INPP4B: variants seen among roughly 807,000 people sequenced by gnomAD.
INPP4B encodes the protein inositol polyphosphate 4-phosphatase type II.
INPP4B carries 55 observed loss-of-function variants against 122.5 expected under a neutral mutation model. The ratio of observed to expected loss-of-function variants is 0.45; its 90% CI spans 0.36 to 0.56. INPP4B has a LOEUF of 0.56. INPP4B is among the 20% of genes least tolerant of loss of function. INPP4B has a pLI of 0.00. For synonymous variants in INPP4B, 403 were observed against 388.7 expected (o/e 1.04, Z -0.43); for missense variants, 1,000 against 1,097.7 (o/e 0.91, Z 1.26).
Position 142,238,980 on chromosome 4 carries a change from T to C in INPP4B, c.689-969A>G, listed in dbSNP as rs534099194. Among the ~76,000 whole-genome samples, 48 of 152,168 alleles carry C rather than the reference T, an allele frequency of 3.2e-4. No individual in the cohort carries two copies. The East Asian group carries it at 5.6e-3, about 18-fold the overall frequency. On this transcript the variant is annotated intron_variant, in intron 11 of 25. Coordinates refer to ENST00000262992, the MANE Select transcript of INPP4B (RefSeq NM_001101669.3). The stretch of plus-strand genomic sequence containing the variant: ...GGCTTCAGTTTACAATAAGGCTAAT[T>C]AAAAATATCAGTTGATATTGAAGCA...
chr4:142,065,939 A>G (rs890245540), intron 25 of INPP4B, among the ~76,000 whole-genome samples: 2 of 152,144 alleles, frequency 1.3e-5, no homozygotes, highest in African/African-American at 4.8e-5. Flanking sequence ...AGGAACCTTC[A>G]TGTGTTCAGC....
chr4:142,715,390 A>C (rs959367348), intron 2 of INPP4B, among the ~76,000 whole-genome samples: 4 of 152,222 alleles, frequency 2.6e-5, no homozygotes, highest in African/African-American at 9.6e-5. Context: ...AAATAATCAC[A>C]TGTGCCTAGT....
At position 142,121,636 on chromosome 4, in the gene INPP4B, G is replaced by A. The variant is rs369492472; in HGVS notation, c.2135+492C>T. ...AAGCTATTTATTGAAAACCCTTCTC[G>A]GAAATCTCATAGTCTGAGAGTGAAT... On this transcript the variant is annotated intron_variant, in intron 21 of 25. Coordinates refer to ENST00000262992, the MANE Select transcript of INPP4B (RefSeq NM_001101669.3). Among the ~76,000 whole-genome samples the A allele has an allele frequency of 1.1e-4, 16 of 151,904 alleles. No individual in the cohort carries two copies. The South Asian group carries it at 2.5e-3, about 24-fold the overall frequency.
In INPP4B at chr4:142,330,317, G is replaced by A. The variant is rs565799249; in HGVS notation, c.373-15555C>T. Among the ~76,000 whole-genome samples the A allele has an allele frequency of 1.1e-4, 16 of 152,238 alleles. 1 individual carries two copies. In the South Asian group the frequency reaches 3.1e-3, roughly 30 times the overall value. ...TTTTGAGAAGTATCTTTCTATCTGG[G>A]TATAATTTTGGATATCATTGGGCCT... On this transcript the variant is annotated intron_variant, in intron 7 of 25. Coordinates refer to ENST00000262992, the MANE Select transcript of INPP4B (RefSeq NM_001101669.3).
intron 2 of INPP4B, among the ~76,000 whole-genome samples, chr4:142,635,693 C>T (rs1748992028): frequency 6.6e-6 from 1 of 151,944 alleles, no homozygotes; most frequent in African/African-American, 2.4e-5. Flanking sequence ...ATAATAGATA[C>T]TTGGGTCTAC....
rs564239603 is a variant in INPP4B at position 142,164,947 on chromosome 4, T to C, written c.1360-4386A>G. On this transcript the variant is annotated intron_variant, in intron 16 of 25. Transcript: ENST00000262992. ...CTTTTCAATTTCTTTTCTTGACTCA[T>C]CATTCTCTGTTCACCCAAAATGTGG... Among the ~76,000 whole-genome samples, 4 of 151,752 alleles carry C rather than the reference T, an allele frequency of 2.6e-5. No homozygotes were observed. In the East Asian group the frequency reaches 5.9e-4, roughly 22 times the overall value.
intron 23 of INPP4B, among the ~76,000 whole-genome samples, chr4:142,096,685 T>A (rs1781961899): frequency 6.6e-6 from 1 of 152,138 alleles, no homozygotes; most frequent in Non-Finnish European, 1.5e-5. Flanking sequence ...TTCAAAAGAT[T>A]AGTGCATCAG....
At position 142,556,888 on chromosome 4, in the gene INPP4B, C is replaced by T. The variant is rs1341089248; in HGVS notation, c.-190-94162G>A. On this transcript the variant is annotated intron_variant, in intron 2 of 25. Transcript: ENST00000262992. ...TACCTAGGAAACCTCGCTATCTCCTCATATATTCAGTCAGGAGAATAGAAG... is the reference window on the plus strand; with the variant it reads ...TACCTAGGAAACCTCGCTATCTCCTTATATATTCAGTCAGGAGAATAGAAG... Among the ~76,000 whole-genome samples, 3 of 152,100 alleles carry T rather than the reference C, an allele frequency of 2.0e-5. No individual in the cohort carries two copies. In the East Asian group the frequency reaches 5.8e-4, roughly 29 times the overall value.
chr4:142,723,479 A>G (rs905432331), intron 2 of INPP4B, among the ~76,000 whole-genome samples: 2 of 152,152 alleles, frequency 1.3e-5, no homozygotes, highest in African/African-American at 4.8e-5. Context: ...TCTTTGGATG[A>G]CAAAATTAAG....
intron 25 of INPP4B, among the ~76,000 whole-genome samples, chr4:142,070,008 C>T (rs1766073083): frequency 6.6e-6 from 1 of 152,146 alleles, no homozygotes; most frequent in Non-Finnish European, 1.5e-5. Flanking sequence ...CATCTTCATA[C>T]CAAAGCCTGG....
At chr4:142,819,800 G>T (rs978410780) in intron 1 of INPP4B, among the ~76,000 whole-genome samples, 2 of 151,940 alleles carry the variant, frequency 1.3e-5, no homozygotes, top group Non-Finnish European at 2.9e-5. Flanking sequence ...ACACACACAC[G>T]GTTCATAGGG....
chr4:142,564,448 A>AG, intron 2 of INPP4B, among the ~76,000 whole-genome samples: 7 of 82,816 alleles, frequency 8.5e-5, no homozygotes, highest in Admixed American at 3.4e-4. Context: ...GCAAAAAAAA[A>AG]AAAAAAGAAA....
intron 9 of INPP4B, among the ~76,000 whole-genome samples, chr4:142,283,213 T>A (rs915515980): frequency 6.6e-6 from 1 of 152,052 alleles, no homozygotes; most frequent in African/African-American, 2.4e-5. Flanking sequence ...GATTTTTCCC[T>A]CAACAATAGG....
At chr4:142,613,221 C>T (rs1389530739) in intron 2 of INPP4B, among the ~76,000 whole-genome samples, 1 of 152,190 alleles carries the variant, frequency 6.6e-6, no homozygotes, top group African/African-American at 2.4e-5. Flanking sequence ...AGATACAATT[C>T]CATCTAGTTT....
rs571117647 is a variant in INPP4B, at chr4:142,158,443, T to C, written c.1563+1915A>G. Reference sequence around the variant, plus strand: ...GGCACAGTGAATAAGGCAGAACAGGTACTCAGTAACACTGACTGAAGGGAA... The same window carrying C: ...GGCACAGTGAATAAGGCAGAACAGGCACTCAGTAACACTGACTGAAGGGAA... On this transcript the variant is annotated intron_variant, in intron 17 of 25. Transcript: ENST00000262992. 5.0e-4 allele frequency among the ~76,000 whole-genome samples: 76 copies of C among 152,214 alleles called. 1 individual carries two copies. In the South Asian group the frequency reaches 6.4e-3, roughly 13 times the overall value.
At chr4:142,197,126 CAAAAAAA>C (rs376793889) in intron 14 of INPP4B, among the ~76,000 whole-genome samples, 24 of 67,238 alleles carry the variant, frequency 3.6e-4, no homozygotes, top group Admixed American at 1.6e-3. Context: ...AACTCCGTCT[CAAAAAAA>C]AAAAAAAAAA....
intron 2 of INPP4B, among the ~76,000 whole-genome samples, chr4:142,547,454 G>T (rs2150062199): frequency 6.6e-6 from 1 of 152,156 alleles, no homozygotes; most frequent in Non-Finnish European, 1.5e-5. Flanking sequence ...ATATTTATGA[G>T]TGGCTCCAAA....
chr4:142,723,834 G>A (rs1383316638), intron 2 of INPP4B, among the ~76,000 whole-genome samples: 4 of 152,040 alleles, frequency 2.6e-5, no homozygotes, highest in Non-Finnish European at 4.4e-5. Flanking sequence ...ATGTTAGTGT[G>A]TATTACCTTA....
At chr4:142,062,163 G>T (rs28491361) in intron 25 of INPP4B, among the ~76,000 whole-genome samples, 3,876 of 152,056 alleles carry the variant, frequency 0.025, 184 homozygotes, top group African/African-American at 0.089. Context: ...ACTCAGAAAA[G>T]CATATCTCCT....
Sources: allele counts gnomAD v4.1 joint callset (sites outside exome capture counted in the v4.1 genomes callset), GRCh38; gene constraint gnomAD v4.1.1; transcripts MANE v1.5; gene names NCBI Gene and HGNC (gene_info 2026-07-23, HGNC 2026-07-21).